The following IL6ST variants were observed in gnomAD, a reference collection of about 807,000 sequenced individuals.
The protein encoded by IL6ST is interleukin-6 receptor subunit beta.
In IL6ST, 24 loss-of-function variants were observed where a neutral mutation model predicts 91.3. The ratio of observed to expected loss-of-function variants is 0.26; its 90% CI spans 0.19 to 0.37. The LOEUF (loss-of-function observed/expected upper bound fraction) is 0.37, where lower values mean the gene tolerates loss of function less well. Ranked by LOEUF, IL6ST falls within the 10% of genes least tolerant of loss-of-function variation. The probability of loss-of-function intolerance (pLI) is 1.00; values close to 1 mark genes in which losing one functional copy is unlikely to be tolerated. For synonymous variants in IL6ST, 351 were observed against 373.6 expected, an observed-to-expected ratio of 0.94 and a Z score of 0.70; for missense variants, 914 against 1,078.5, an observed-to-expected ratio of 0.85 and a Z score of 2.14.
chr5:55,953,576 G>C (rs1230085792), intron 11 of IL6ST, among the ~76,000 whole-genome samples: 1 of 152,204 alleles, frequency 6.6e-6, no homozygotes, highest in Non-Finnish European at 1.5e-5. Context: ...AGTAGAGACG[G>C]AGTTTATCCA....
chr5:55,971,088 C>A (rs1428064954), intron 3 of IL6ST, among the ~76,000 whole-genome samples: 2 of 152,156 alleles, frequency 1.3e-5, no homozygotes, highest in Admixed American at 1.3e-4. Flanking sequence ...CCTGAGATAT[C>A]CCATAGCTAT....
At chr5:55,971,351 A>G (rs764967918) in intron 3 of IL6ST, among the ~76,000 whole-genome samples, 8 of 152,190 alleles carry the variant, frequency 5.3e-5, no homozygotes, top group African/African-American at 4.8e-5. Flanking sequence ...TGACTGCTGA[A>G]GCACAGGATA....
At chr5:55,965,150 A>T (rs1034456436) in intron 5 of IL6ST, among the ~76,000 whole-genome samples, 7 of 152,192 alleles carry the variant, frequency 4.6e-5, no homozygotes, top group Admixed American at 2.6e-4. Context: ...TATTCCAAGT[A>T]ACATTAAAAC....
intron 2 of IL6ST, among the ~76,000 whole-genome samples, chr5:55,981,295 C>T (rs1158382403): frequency 6.6e-6 from 1 of 152,162 alleles, no homozygotes; most frequent in African/African-American, 2.4e-5. Flanking sequence ...CACAGTAACA[C>T]TATATAAAAT....
chr5:55,955,763 T>C (rs1751914899), intron 10 of IL6ST, among the ~76,000 whole-genome samples: 2 of 152,202 alleles, frequency 1.3e-5, no homozygotes, highest in African/African-American at 4.8e-5. Flanking sequence ...CATATGCCTG[T>C]TAATCCCAGC....
rs776684212 is a variant in IL6ST at position 55,964,306 on chromosome 5, T to C, written c.498A>G (p.Thr166=). 30 of 1,607,996 alleles carry C rather than the reference T, an allele frequency of 1.9e-5. No individual in the cohort carries two copies. The highest frequency in any genetic ancestry group is 2.5e-5 in the Non-Finnish European group (30 of 1,176,674). ...TNFTLKSEWA[T]HKFADCKAKR... is the part of the protein sequence containing the mutation. ...TTGCTTTGCAATCAGCAAACTTGTG[T>C]GTTGCCCTAAATACAAAAAATTGAA... Residue 166 remains threonine (T), a synonymous_variant, in exon 6 of 17, where the codon ACA becomes ACG. Coordinates refer to ENST00000381298, the MANE Select transcript of IL6ST (RefSeq NM_002184.4).
At chr5:55,989,101 C>A (rs1377239304) in intron 1 of IL6ST, among the ~76,000 whole-genome samples, 1 of 148,424 alleles carries the variant, frequency 6.7e-6, no homozygotes, top group African/African-American at 2.5e-5. Context: ...TGCCATTGTA[C>A]TCCAGCCTGG....
At chr5:55,986,073 T>C (rs536628899) in intron 1 of IL6ST, among the ~76,000 whole-genome samples, 3 of 152,372 alleles carry the variant, frequency 2.0e-5, no homozygotes, top group South Asian at 4.1e-4. Flanking sequence ...ATATTCTGTG[T>C]GCACTTAAAA....
At position 55,938,742 on chromosome 5, in the gene IL6ST, T is replaced by C. The variant is rs897005942; in HGVS notation, c.*2340A>G. ...CTAAGACATGCTTGGGAAAGTAATTTTGAATGTAAAAAGTTTTATAATTTA... is the reference window on the plus strand; with the variant it reads ...CTAAGACATGCTTGGGAAAGTAATTCTGAATGTAAAAAGTTTTATAATTTA... On this transcript the variant is annotated 3_prime_UTR_variant, in exon 17 of 17. Transcript: ENST00000381298. 4 of 201,018 alleles carry C rather than the reference T, an allele frequency of 2.0e-5. No homozygotes were observed. Among genetic ancestry groups the C allele is most frequent in the Non-Finnish European group, 3.1e-5 (3 of 97,566 alleles). The allele number at this position is 201,018 out of a possible 1,614,324, so 12.5% of individuals were successfully genotyped here. A position where few individuals can be genotyped will look rare whatever the true frequency, so the allele number is the denominator to read the frequency against.
chr5:55,968,126 C>T (rs1033305823), intron 5 of IL6ST, 150 bp downstream of exon 5: 2 of 797,180 alleles, frequency 2.5e-6, no homozygotes, highest in African/African-American at 3.7e-5. Context: ...CGCGCCTGGC[C>T]TCTACTTTTA....
chr5:55,961,927 G>C (rs974598429), intron 7 of IL6ST, among the ~76,000 whole-genome samples: 1 of 152,138 alleles, frequency 6.6e-6, no homozygotes, highest in East Asian at 1.9e-4. Context: ...ATACAGGTCA[G>C]CATGACACAA....
chr5:55,943,743 T>G lies in IL6ST; in HGVS notation c.1938-992A>C, dbSNP rs148677737. Among the ~76,000 whole-genome samples the G allele has an allele frequency of 3.3e-3, 509 of 152,040 alleles. 1 individual carries two copies. Among genetic ancestry groups the G allele is most frequent in the African/African-American group, 0.012 (484 of 41,454 alleles). ...AGCAAGGCAAAACAGAAATAAGAAC[T>G]TCCCCCCTGCAAGTAGTAGTAAAGG... is the stretch of plus-strand genomic sequence containing the variant. On this transcript the variant is annotated intron_variant, in intron 15 of 16. Coordinates refer to ENST00000381298, the MANE Select transcript of IL6ST (RefSeq NM_002184.4).
intron 5 of IL6ST, among the ~76,000 whole-genome samples, chr5:55,964,595 AT>A (rs1752533915): frequency 6.6e-6 from 1 of 152,010 alleles, no homozygotes. Context: ...AAAATTATCT[AT>A]TTCCTTGTGA....
At position 55,937,895 on chromosome 5, in the gene IL6ST, TGAAG is replaced by T. The variant is rs778874969; in HGVS notation, c.*3183_*3186del. The T allele has an allele frequency of 1.0e-5, 2 of 198,926 alleles. No homozygotes were observed. Among genetic ancestry groups the T allele is most frequent in the African/African-American group, 4.6e-5 (2 of 43,506 alleles). 12.3% of individuals were successfully genotyped at this position (198,926 alleles called of 1,614,324 possible). A position where few individuals can be genotyped will look rare whatever the true frequency, so the allele number is the denominator to read the frequency against. On this transcript the variant is annotated 3_prime_UTR_variant, in exon 17 of 17. Coordinates refer to ENST00000381298, the MANE Select transcript of IL6ST (RefSeq NM_002184.4). ...TAGAATGATGTGGACTATAACAGAA[TGAAG>T]GAAGATCTCTCCTGCTTGATGTACT...
At chr5:55,943,771 A>G (rs72763900) in intron 15 of IL6ST, among the ~76,000 whole-genome samples, 31,150 of 150,758 alleles carry the variant, frequency 0.21, 3,912 homozygotes, top group Non-Finnish European at 0.28. Flanking sequence ...AGTAAAGGGG[A>G]AAAAAAAACA....
At chr5:55,989,742 A>C (rs1460568093) in intron 1 of IL6ST, among the ~76,000 whole-genome samples, 1 of 152,248 alleles carries the variant, frequency 6.6e-6, no homozygotes, top group African/African-American at 2.4e-5. Flanking sequence ...ACAGGAGCAC[A>C]GAAAATACCC....
intron 10 of IL6ST, among the ~76,000 whole-genome samples, chr5:55,955,739 G>C (rs189042419): frequency 9.2e-5 from 14 of 152,332 alleles, no homozygotes; most frequent in African/African-American, 3.1e-4. Context: ...GCGATCACTA[G>C]CTGGGTTTGG....
At chr5:55,950,473 T>C (rs546764301) in intron 14 of IL6ST, among the ~76,000 whole-genome samples, 1 of 138,016 alleles carries the variant, frequency 7.2e-6, no homozygotes. Context: ...GAGGTGGAGG[T>C]TGCAGTGAGC....
At chr5:55,993,454 C>CA (rs1754447389) in intron 1 of IL6ST, among the ~76,000 whole-genome samples, 1 of 152,132 alleles carries the variant, frequency 6.6e-6, no homozygotes, top group South Asian at 2.1e-4. Context: ...GAAAATACTG[C>CA]AATTCACAAA....
Sources: gnomAD v4.1 joint callset for allele counts (sites outside exome capture counted in the v4.1 genomes callset) on GRCh38, gnomAD v4.1.1 for gene constraint, MANE v1.5 for transcripts, NCBI Gene and HGNC (gene_info 2026-07-23, HGNC 2026-07-21) for gene names.